Variants in MECOM observed in about 807,000 individuals in gnomAD.
MECOM encodes the protein MDS1 and EVI1 complex locus.
Under a neutral mutation model 116.3 loss-of-function variants are expected in MECOM, and 13 were observed. The observed-to-expected ratio is 0.11, with a 90% confidence interval of 0.07 to 0.18. The LOEUF (loss-of-function observed/expected upper bound fraction) is 0.18. MECOM is among the 10% of genes least tolerant of loss of function. The pLI is 1.00. For synonymous variants in MECOM, 528 were observed against 535.2 expected (o/e 0.99, Z 0.19); for missense variants, 1,299 against 1,509.0 (o/e 0.86, Z 2.31).
intron 1 of MECOM, among the ~76,000 whole-genome samples, chr3:169,428,803 GA>G (rs1293502636): frequency 2.0e-5 from 3 of 152,090 alleles, no homozygotes; most frequent in Non-Finnish European, 4.4e-5. Flanking sequence ...TGGTAAAAGG[GA>G]TTGGAATCAA....
intron 1 of MECOM, among the ~76,000 whole-genome samples, chr3:169,501,890 C>T (rs1754584354): frequency 6.6e-6 from 1 of 152,040 alleles, no homozygotes; most frequent in East Asian, 1.9e-4. Context: ...AGCTACACAA[C>T]ATGATTGCTG....
intron 1 of MECOM, chr3:169,484,052 T>A: frequency 1.7e-6 from 2 of 1,160,964 alleles, no homozygotes; most frequent in East Asian, 4.9e-5. Flanking sequence ...TAATGGAAAG[T>A]ACAACCTATA....
intron 2 of MECOM, among the ~76,000 whole-genome samples, chr3:169,376,551 C>A (rs1731071876): frequency 6.6e-6 from 1 of 151,940 alleles, no homozygotes. Context: ...AAACAGAGAG[C>A]CAAATCATGA....
chr3:169,222,354 G>A (rs1309370572), intron 2 of MECOM, among the ~76,000 whole-genome samples: 2 of 152,202 alleles, frequency 1.3e-5, no homozygotes, highest in Non-Finnish European at 1.5e-5. Context: ...GCTGCCCTCA[G>A]TACCTTGTTA....
intron 1 of MECOM, among the ~76,000 whole-genome samples, chr3:169,578,047 C>T (rs944591033): frequency 2.0e-5 from 3 of 151,836 alleles, no homozygotes; most frequent in East Asian, 1.9e-4. Flanking sequence ...AAAAAAAAGA[C>T]GTTGTTTTCT....
intron 2 of MECOM, among the ~76,000 whole-genome samples, chr3:169,284,571 GCACACA>G (rs113527440): frequency 4.8e-5 from 7 of 146,878 alleles, no homozygotes; most frequent in Non-Finnish European, 1.1e-4. Context: ...GTATATGAGC[GCACACA>G]CACACACACA....
intron 1 of MECOM, among the ~76,000 whole-genome samples, chr3:169,632,623 T>C (rs1772231145): frequency 6.6e-6 from 1 of 152,198 alleles, no homozygotes; most frequent in Admixed American, 6.5e-5. Flanking sequence ...TCCAAGTTTA[T>C]GCTTTTGAGT....
At chr3:169,322,103 T>G (rs569392750) in intron 2 of MECOM, among the ~76,000 whole-genome samples, 22 of 152,328 alleles carry the variant, frequency 1.4e-4, no homozygotes, top group Non-Finnish European at 2.9e-4. Flanking sequence ...ATTTCTGAAC[T>G]ATAAGAAGTT....
At chr3:169,414,775 A>T (rs1738244158) in intron 1 of MECOM, among the ~76,000 whole-genome samples, 2 of 152,206 alleles carry the variant, frequency 1.3e-5, no homozygotes, top group Non-Finnish European at 2.9e-5. Flanking sequence ...AGTGGAAGAA[A>T]GGGTATCAGA....
intron 3 of MECOM, among the ~76,000 whole-genome samples, chr3:169,138,189 T>C (rs910516447): frequency 3.3e-5 from 5 of 152,160 alleles, no homozygotes; most frequent in African/African-American, 9.6e-5. Flanking sequence ...TTACAGTCTA[T>C]TGTGTATGTG....
chr3:169,484,043 A>C lies in MECOM; in HGVS notation c.38-102519T>G, dbSNP rs1751780150. On this transcript the variant is annotated intron_variant, in intron 1 of 16. Coordinates refer to ENST00000651503, the MANE Select transcript of MECOM (RefSeq NM_004991.4). Reference sequence around the variant, plus strand: ...CCCAAAACCATTGTTTTATATAACTAATGGAAAGTACAACCTATAGCTACC... The same window carrying C: ...CCCAAAACCATTGTTTTATATAACTCATGGAAAGTACAACCTATAGCTACC... 7.7e-6 allele frequency: 10 copies of C among 1,304,096 alleles called. No homozygotes were observed. In the South Asian group the frequency reaches 1.1e-4, roughly 14 times the overall value. 80.8% of individuals were successfully genotyped at this position (1,304,096 alleles called of 1,614,324 possible). A position where few individuals can be genotyped will look rare whatever the true frequency, so the allele number is the denominator to read the frequency against.
In MECOM at chr3:169,611,181, G is replaced by A. The variant is rs763408170; in HGVS notation, c.37+52155C>T. On this transcript the variant is annotated intron_variant, in intron 1 of 16. Coordinates refer to ENST00000651503, the MANE Select transcript of MECOM (RefSeq NM_004991.4). The surrounding 1 kb of genome is among the most constrained non-coding windows in gnomAD (Gnocchi z 4.1). The stretch of plus-strand genomic sequence containing the variant: ...TAAGCTTAGGAAACCTTGCCCAAAG[G>A]ATACCATTCTGTCTCTTGGGAAACT... 6.6e-6 allele frequency among the ~76,000 whole-genome samples: 1 copy of A among 152,172 alleles called. No homozygotes were observed. The highest frequency in any genetic ancestry group is 1.5e-5 in the Non-Finnish European group (1 of 68,026).
chr3:169,271,333 C>A (rs1005169744), intron 2 of MECOM, among the ~76,000 whole-genome samples: 6 of 152,198 alleles, frequency 3.9e-5, no homozygotes, highest in Admixed American at 3.3e-4. Flanking sequence ...GTCTCATCAC[C>A]AGGCATATTT....
At chr3:169,329,162 G>A (rs1256516042) in intron 2 of MECOM, among the ~76,000 whole-genome samples, 3 of 151,986 alleles carry the variant, frequency 2.0e-5, no homozygotes, top group African/African-American at 7.2e-5. Flanking sequence ...TTAGCCTTGG[G>A]AAACATTAAC....
intron 1 of MECOM, among the ~76,000 whole-genome samples, chr3:169,416,063 G>A (rs1347677818): frequency 6.6e-6 from 1 of 151,998 alleles, no homozygotes; most frequent in Non-Finnish European, 1.5e-5. Flanking sequence ...CCAGATCAAA[G>A]TAATAGACAT....
intron 1 of MECOM, among the ~76,000 whole-genome samples, chr3:169,640,314 A>T (rs1053116855): frequency 2.6e-5 from 4 of 152,216 alleles, no homozygotes; most frequent in African/African-American, 4.8e-5. Context: ...ATGTGAAAAT[A>T]AGTTCATCCA....
At chr3:169,572,453 A>G (rs1764018743) in intron 1 of MECOM, among the ~76,000 whole-genome samples, 1 of 152,202 alleles carries the variant, frequency 6.6e-6, no homozygotes, top group Admixed American at 6.5e-5. Context: ...AGGATCTAGA[A>G]CCAGAAATAC....
chr3:169,356,139 G>C (rs1353572135), intron 2 of MECOM, among the ~76,000 whole-genome samples: 1 of 151,754 alleles, frequency 6.6e-6, no homozygotes, highest in African/African-American at 2.4e-5. Context: ...CACTCCTTCT[G>C]TTCTTGAAAC....
intron 2 of MECOM, among the ~76,000 whole-genome samples, chr3:169,254,844 CAGA>C (rs922174529): frequency 6.6e-6 from 1 of 151,956 alleles, no homozygotes; most frequent in Non-Finnish European, 1.5e-5. Flanking sequence ...ATGGTACAAA[CAGA>C]AGGGCAGGAT....
Sources: allele counts gnomAD v4.1 joint callset (sites outside exome capture counted in the v4.1 genomes callset), GRCh38; gene constraint gnomAD v4.1.1; non-coding constraint Gnocchi (gnomAD v3.1); transcripts MANE v1.5; gene names NCBI Gene and HGNC (gene_info 2026-07-23, HGNC 2026-07-21).